MEPE: variants seen among roughly 807,000 people sequenced by gnomAD.
MEPE encodes the protein matrix extracellular phosphoglycoprotein.
MEPE carries 7 observed loss-of-function variants against 7.3 expected under a neutral mutation model. The observed-to-expected ratio is 0.95, with a 90% CI of 0.54 to 1.79. MEPE has a LOEUF of 1.79. Among genes scored for constraint, MEPE ranks in the 40% most tolerant of loss-of-function variants. The probability of loss-of-function intolerance (pLI) is 0.00; values close to 1 mark genes in which losing one functional copy is unlikely to be tolerated. For synonymous variants in MEPE, 214 were observed against 213.1 expected, an observed-to-expected ratio of 1.00 and a Z score of -0.04; for missense variants, 623 against 628.2, an observed-to-expected ratio of 0.99 and a Z score of 0.09.
chr4:87,823,023 A>C (rs1432520813), intron 1 of MEPE, among the ~76,000 whole-genome samples: 1 of 152,238 alleles, frequency 6.6e-6, no homozygotes, highest in Non-Finnish European at 1.5e-5. Flanking sequence ...TACCTCTTCC[A>C]GATCTCAAAG....
intron 3 of MEPE, among the ~76,000 whole-genome samples, chr4:87,842,563 A>G (rs980057747): frequency 6.6e-5 from 10 of 152,194 alleles, no homozygotes; most frequent in Admixed American, 5.9e-4. Context: ...TTGGAACCCC[A>G]CAAACAAAAG....
At position 87,845,829 on chromosome 4, in the gene MEPE, G is replaced by GA; in HGVS notation, c.962dup (p.Asp321GlufsTer2). 6.2e-7 allele frequency: 1 copy of GA among 1,614,048 alleles called. No individual in the cohort carries two copies. ...TGGTGGAAATACCATTGGAACTAGG[G>GA]ATGAAACTGCGAAAGAGGCAGATGC... On this transcript the variant is annotated frameshift_variant, in exon 4 of 4. Coordinates refer to ENST00000361056, the MANE Select transcript of MEPE (RefSeq NM_020203.6). LOFTEE classifies it low-confidence loss of function (END_TRUNC).
chr4:87,833,529 C>T (rs1463114), intron 1 of MEPE, among the ~76,000 whole-genome samples: 60,090 of 151,998 alleles, frequency 0.4, 12,165 homozygotes, highest in African/African-American at 0.44. Flanking sequence ...TAGTTACAAT[C>T]ATTTCTCCAA....
intron 1 of MEPE, among the ~76,000 whole-genome samples, chr4:87,821,892 A>G (rs1722345728): frequency 6.6e-6 from 1 of 152,144 alleles, no homozygotes; most frequent in South Asian, 2.1e-4. Flanking sequence ...ATTCACACAG[A>G]CAGCAGCTGG....
upstream of MEPE, among the ~76,000 whole-genome samples, chr4:87,828,988 T>C (rs2109990633): frequency 6.6e-6 from 1 of 152,322 alleles, no homozygotes; most frequent in East Asian, 1.9e-4. Context: ...GGTTTTAACT[T>C]CAGTTATTGG....
intron 2 of MEPE, among the ~76,000 whole-genome samples, chr4:87,835,953 C>T (rs979907657): frequency 6.6e-6 from 1 of 152,036 alleles, no homozygotes; most frequent in Non-Finnish European, 1.5e-5. Context: ...GAAGAGGATG[C>T]CAGCTTTCCT....
rs750460486 is a variant in MEPE at position 87,845,909 on chromosome 4, T to A, written c.1041T>A (p.Phe347Leu). ...GSNDIMGSTN[F>L]KELPGREGNR... ...ACGATATCATGGGTAGTACCAATTT[T>A]AAGGAGCTCCCTGGAAGAGAAGGAA... Residue 347 changes from phenylalanine to leucine, a missense_variant, in exon 4 of 4, where the codon TTT (phenylalanine) becomes TTA (leucine). Phe to Leu is a conservative substitution (Grantham distance 22, BLOSUM62 0). Transcript: ENST00000361056. The A allele has an allele frequency of 3.1e-6, 5 of 1,613,984 alleles. No homozygotes were observed. The South Asian group carries it at 5.5e-5, about 18-fold the overall frequency.
intron 3 of MEPE, among the ~76,000 whole-genome samples, chr4:87,838,957 AT>A (rs1722904815): frequency 6.6e-6 from 1 of 152,200 alleles, no homozygotes; most frequent in Non-Finnish European, 1.5e-5. Flanking sequence ...GGCAACCTTC[AT>A]GGGGCTAAGT....
At chr4:87,838,730 A>G (rs1457250117) in intron 3 of MEPE, 45 bp downstream of exon 3, 2 of 1,558,792 alleles carry the variant, frequency 1.3e-6, no homozygotes, top group East Asian at 2.2e-5. Flanking sequence ...TCAGCTCTAT[A>G]AAGAAAAAGT....
chr4:87,824,086 A>G (rs1306288769), intron 1 of MEPE, among the ~76,000 whole-genome samples: 2 of 152,358 alleles, frequency 1.3e-5, no homozygotes, highest in South Asian at 2.1e-4. Context: ...ATATGTACAG[A>G]ATTCATCTTA....
intron 1 of MEPE, among the ~76,000 whole-genome samples, chr4:87,823,324 T>C (rs1309653718): frequency 2.0e-5 from 3 of 152,176 alleles, no homozygotes; most frequent in African/African-American, 7.2e-5. Context: ...CAAGTCCTTC[T>C]TACCTCCTTC....
upstream of MEPE, among the ~76,000 whole-genome samples, chr4:87,829,448 G>A (rs902057935): frequency 5.3e-5 from 8 of 152,022 alleles, no homozygotes; most frequent in Non-Finnish European, 7.4e-5. Flanking sequence ...TCAAATGAAA[G>A]GGAAATCTTT....
intron 2 of MEPE, among the ~76,000 whole-genome samples, chr4:87,838,099 A>G (rs975504873): frequency 6.6e-6 from 1 of 152,122 alleles, no homozygotes; most frequent in African/African-American, 2.4e-5. Flanking sequence ...TTTTGTCCTT[A>G]ATTGCGATCC....
At chr4:87,825,336 G>A (rs1351672890) in intron 1 of MEPE, among the ~76,000 whole-genome samples, 1 of 152,092 alleles carries the variant, frequency 6.6e-6, no homozygotes, top group Non-Finnish European at 1.5e-5. Flanking sequence ...ACATAAAATG[G>A]GCCATGATCA....
chr4:87,829,561 G>C (rs1466968519), upstream of MEPE, among the ~76,000 whole-genome samples: 1 of 152,054 alleles, frequency 6.6e-6, no homozygotes, highest in Non-Finnish European at 1.5e-5. Flanking sequence ...CATTTCCTAA[G>C]GCACATATCA....
At chr4:87,842,035 C>T (rs1723034709) in intron 3 of MEPE, among the ~76,000 whole-genome samples, 2 of 152,150 alleles carry the variant, frequency 1.3e-5, no homozygotes, top group African/African-American at 4.8e-5. Flanking sequence ...AGGTAGATAT[C>T]ATTTTTATTT....
At position 87,846,157 on chromosome 4, in the gene MEPE, A is replaced by G; in HGVS notation, c.1289A>G (p.Lys430Arg). The G allele has an allele frequency of 6.2e-7, 1 of 1,614,060 alleles. No homozygotes were observed. Among genetic ancestry groups the G allele is most frequent in the Middle Eastern group, 1.6e-4 (1 of 6,062 alleles). ...TLNEKQRFPS[K>R]GKSQGLPIPS... ...AATGAAAAACAAAGGTTTCCTAGTA[A>G]GGGCAAAAGTCAGGGCCTGCCCATT... Residue 430 changes from lysine (K) to arginine (R), a missense_variant, in exon 4 of 4, where the codon AAG becomes AGG. Lys to Arg is a conservative substitution (Grantham distance 26). Transcript: ENST00000361056.
intron 1 of MEPE, among the ~76,000 whole-genome samples, chr4:87,833,338 T>C (rs1560536327): frequency 6.6e-6 from 1 of 152,182 alleles, no homozygotes; most frequent in East Asian, 1.9e-4. Flanking sequence ...CTGATCTTAT[T>C]CATACTTTGA....
chr4:87,839,928 C>T, intron 3 of MEPE: 1 of 1,536,324 alleles, frequency 6.5e-7, no homozygotes, highest in Non-Finnish European at 8.7e-7. Context: ...CCTCCCCAGG[C>T]TCCTCAAGCC....
Sources: gnomAD v4.1 joint callset for allele counts (sites outside exome capture counted in the v4.1 genomes callset) on GRCh38, gnomAD v4.1.1 for gene constraint, MANE v1.5 for transcripts, NCBI Gene and HGNC (gene_info 2026-07-23, HGNC 2026-07-21) for gene names.